The following TLN2 variants were observed in gnomAD, a reference collection of about 807,000 sequenced individuals.
TLN2 encodes the protein talin-2.
A neutral mutation model predicts 294.7 loss-of-function variants in TLN2; 118 were observed. The observed-to-expected ratio is 0.40, with a 90% CI of 0.34 to 0.47. The LOEUF (loss-of-function observed/expected upper bound fraction) is 0.47. TLN2 is among the 20% of genes least tolerant of loss of function. TLN2 has a pLI of 0.84. For synonymous variants in TLN2, 1,431 were observed against 1,304.5 expected (o/e 1.10, Z -2.09); for missense variants, 3,083 against 3,282.2 (o/e 0.94, Z 1.48).
At position 62,459,524 on chromosome 15, in the gene TLN2, G is replaced by A. The variant is rs144585261; in HGVS notation, c.-238+68839G>A. Reference sequence around the variant, plus strand: ...GGAAAATTTACTGGAGTTTGAATAGGAAAGTGTGTGCATGCCTGTGTGTAT... The same window carrying A: ...GGAAAATTTACTGGAGTTTGAATAGAAAAGTGTGTGCATGCCTGTGTGTAT... On this transcript the variant is annotated intron_variant, in intron 1 of 58. Transcript: ENST00000636159. Among the ~76,000 whole-genome samples the A allele has an allele frequency of 2.1e-4, 32 of 152,230 alleles. No homozygotes were observed. In the East Asian group the frequency reaches 4.4e-3, roughly 21 times the overall value.
rs747499568 is a variant in TLN2 at position 62,809,939 on chromosome 15, C to T, written c.6678C>T (p.His2226=). 14 of 1,614,152 alleles carry T rather than the reference C, an allele frequency of 8.7e-6. No individual in the cohort carries two copies. The highest frequency in any genetic ancestry group is 1.2e-5 in the Non-Finnish European group (14 of 1,180,016). The change falls in exon 52 of 59, where the codon CAC becomes CAT. Residue 2226 remains histidine, a synonymous_variant. Transcript: ENST00000636159. ...MLTACKQASF[H]PDVSDEVRTR... ...TCTCTCTCCAGCAAGCATCCTTCCA[C>T]CCCGATGTCAGTGACGAGGTGAGAA... is the stretch of plus-strand genomic sequence containing the variant.
chr15:62,733,788 A>G (rs769166415), intron 28 of TLN2: 1 of 152,264 alleles, frequency 6.6e-6, no homozygotes, highest in Non-Finnish European at 1.5e-5. Flanking sequence ...TGTGTTTTCA[A>G]AGGACTGTGG....
At chr15:62,450,573 G>C (rs959821010) in intron 1 of TLN2, among the ~76,000 whole-genome samples, 60 of 149,284 alleles carry the variant, frequency 4.0e-4, no homozygotes, top group African/African-American at 1.1e-3. Context: ...GTGTGTGTGT[G>C]TCTGTGTGTG....
At chr15:62,475,250 A>C (rs186899964) in intron 1 of TLN2, among the ~76,000 whole-genome samples, 1 of 152,314 alleles carries the variant, frequency 6.6e-6, no homozygotes, top group Admixed American at 6.5e-5. Flanking sequence ...TAAACTTTGT[A>C]TAAGCCGACT....
intron 1 of TLN2, among the ~76,000 whole-genome samples, chr15:62,582,318 G>A (rs999659706): frequency 8.0e-5 from 12 of 150,876 alleles, no homozygotes; most frequent in Admixed American, 7.9e-4. Context: ...GTCTGCCCCA[G>A]TTTCTTGGAG....
chr15:62,756,698 AGAG>A (rs1209342427), intron 37 of TLN2, among the ~76,000 whole-genome samples: 1 of 152,096 alleles, frequency 6.6e-6, no homozygotes, highest in Non-Finnish European at 1.5e-5. Context: ...AGTTCTCTCC[AGAG>A]GATAGGACAC....
intron 2 of TLN2, among the ~76,000 whole-genome samples, chr15:62,613,436 G>A (rs2048071207): frequency 6.6e-6 from 1 of 152,152 alleles, no homozygotes; most frequent in Non-Finnish European, 1.5e-5. Context: ...CACACATAGA[G>A]CTCGTGTGGA....
chr15:62,626,811 G>A (rs1270983428), intron 3 of TLN2, among the ~76,000 whole-genome samples: 4 of 152,190 alleles, frequency 2.6e-5, no homozygotes, highest in Non-Finnish European at 4.4e-5. Flanking sequence ...TCAGATATCT[G>A]TGTCTACTGG....
At chr15:62,710,161 C>A (rs1398709622) in intron 21 of TLN2, among the ~76,000 whole-genome samples, 1 of 152,070 alleles carries the variant, frequency 6.6e-6, no homozygotes, top group African/African-American at 2.4e-5. Context: ...TTTGTTAGTT[C>A]ATTTTGCTTT....
intron 48 of TLN2, among the ~76,000 whole-genome samples, chr15:62,798,717 G>T (rs1287424805): frequency 6.6e-6 from 1 of 152,218 alleles, no homozygotes; most frequent in Non-Finnish European, 1.5e-5. Flanking sequence ...TGACTGTGCT[G>T]GTTCACTTGA....
chr15:62,718,087 A>C (rs545503828), intron 24 of TLN2, among the ~76,000 whole-genome samples: 1 of 152,146 alleles, frequency 6.6e-6, no homozygotes, highest in African/African-American at 2.4e-5. Flanking sequence ...TAATAATTGC[A>C]CCTCAAGGAT....
intron 50 of TLN2, among the ~76,000 whole-genome samples, chr15:62,803,350 A>G (rs941710716): frequency 6.6e-6 from 1 of 152,126 alleles, no homozygotes; most frequent in East Asian, 1.9e-4. Flanking sequence ...TTGTACTTGG[A>G]TATTGATAGC....
At chr15:62,601,505 T>C (rs917122109) in intron 2 of TLN2, among the ~76,000 whole-genome samples, 3 of 152,228 alleles carry the variant, frequency 2.0e-5, no homozygotes, top group African/African-American at 7.2e-5. Flanking sequence ...AGTTTGTTCT[T>C]TGGCAAGAAT....
chr15:62,759,820 G>A (rs1490506965), intron 37 of TLN2, among the ~76,000 whole-genome samples: 1 of 152,214 alleles, frequency 6.6e-6, no homozygotes, highest in East Asian at 1.9e-4. Context: ...CAATCAGCCT[G>A]CTTCACTCTT....
chr15:62,595,673 T>C (rs1567163367), intron 2 of TLN2, among the ~76,000 whole-genome samples: 1 of 152,208 alleles, frequency 6.6e-6, no homozygotes, highest in Admixed American at 6.5e-5. Flanking sequence ...GTGTCCATCA[T>C]TGGATGAATA....
chr15:62,476,376 T>C (rs2140372600), intron 1 of TLN2: 1 of 152,410 alleles, frequency 6.6e-6, no homozygotes, highest in Admixed American at 6.5e-5. Context: ...CCTCGGATGC[T>C]CGGCTGCCCA....
intron 7 of TLN2, among the ~76,000 whole-genome samples, chr15:62,653,699 C>T (rs1000096383): frequency 5.3e-5 from 8 of 151,350 alleles, no homozygotes; most frequent in Non-Finnish European, 1.0e-4. Context: ...TGCACTCCAG[C>T]CTGGGTGACA....
chr15:62,501,978 G>A (rs1005613801), intron 1 of TLN2, among the ~76,000 whole-genome samples: 2 of 152,130 alleles, frequency 1.3e-5, no homozygotes, highest in Non-Finnish European at 2.9e-5. Flanking sequence ...GGTATCAGTG[G>A]GTTGGATACC....
chr15:62,591,591 A>T (rs555510543), intron 2 of TLN2, among the ~76,000 whole-genome samples: 6 of 152,178 alleles, frequency 3.9e-5, no homozygotes, highest in Non-Finnish European at 7.3e-5. Context: ...GTTTTAAGTA[A>T]CCTGATGGAA....
Sources: allele counts gnomAD v4.1 joint callset (sites outside exome capture counted in the v4.1 genomes callset), GRCh38; gene constraint gnomAD v4.1.1; transcripts MANE v1.5; gene names NCBI Gene and HGNC (gene_info 2026-07-23, HGNC 2026-07-21).